The following RTEL1 variants were observed in gnomAD, a reference collection of about 807,000 sequenced individuals.
RTEL1 encodes the protein regulator of telomere elongation helicase 1.
A neutral mutation model predicts 162.2 loss-of-function variants in RTEL1; 86 were observed. The ratio of observed to expected loss-of-function variants is 0.53; its 90% CI spans 0.45 to 0.63. The LOEUF (loss-of-function observed/expected upper bound fraction) is 0.63. Ranked by LOEUF, RTEL1 falls within the 30% of genes least tolerant of loss-of-function variation. The pLI is 0.00. For synonymous variants in RTEL1, 958 were observed against 717.9 expected, an observed-to-expected ratio of 1.33 and a Z score of -5.35; for missense variants, 1,941 against 1,750.2, an observed-to-expected ratio of 1.11 and a Z score of -1.95.
Position 63,682,659 on chromosome 20 carries a change from G to T in RTEL1, c.1191+1940G>T. ...CGCGTTGGCTCCTGAGCCCCTGCAG[G>T]TGTGGGCGGTGCCCATAGGGCTGGT... On this transcript the variant is annotated intron_variant, in intron 14 of 34. Transcript: ENST00000360203. 3.0e-6 allele frequency: 3 copies of T among 985,820 alleles called. No homozygotes were observed. The South Asian group carries it at 1.4e-4, about 46-fold the overall frequency. 61.1% of individuals were successfully genotyped at this position (985,820 alleles called of 1,614,324 possible).
At chr20:63,667,686 A>C (rs2090163947) in intron 8 of RTEL1, 133 bp downstream of exon 8, 3 of 738,178 alleles carry the variant, frequency 4.1e-6, no homozygotes, top group Non-Finnish European at 7.2e-6. Flanking sequence ...CACCTCTGTC[A>C]CTGGGCAGGG....
chr20:63,681,017 CA>C (rs1221525140), intron 14 of RTEL1: 3 of 985,298 alleles, frequency 3.0e-6, no homozygotes, highest in African/African-American at 3.5e-5. Flanking sequence ...GCCCTCAGGC[CA>C]GGGGGGACCC....
At chr20:63,670,856 C>A (rs2146187583) in intron 8 of RTEL1, among the ~76,000 whole-genome samples, 2 of 151,846 alleles carry the variant, frequency 1.3e-5, no homozygotes, top group Middle Eastern at 3.4e-3. Flanking sequence ...CTTCAGTGTG[C>A]AGGTTTACCA....
At chr20:63,692,678 C>T (rs1440889249) in intron 28 of RTEL1, 127 bp from the exon 29 acceptor site, 22 of 913,600 alleles carry the variant, frequency 2.4e-5, no homozygotes, top group Non-Finnish European at 3.1e-5. Flanking sequence ...GCCAGTTTCT[C>T]AGGCAGCAGC....
chr20:63,689,046 T>A lies in RTEL1; in HGVS notation c.1801-9T>A. The A allele has an allele frequency of 6.2e-7, 1 of 1,609,938 alleles. No homozygotes were observed. On this transcript the variant is annotated splice_polypyrimidine_tract_variant and intron_variant, in intron 21 of 34. Coordinates refer to ENST00000360203, the MANE Select transcript of RTEL1 (RefSeq NM_001283009.2). The stretch of plus-strand genomic sequence containing the variant: ...GCTCCAGGCTCAGCCTCACCAACTT[T>A]CCTTCCAGACCATCAGTGCTTACTA...
In RTEL1 at chr20:63,690,111, C is replaced by G; in HGVS notation, c.2166C>G (p.Ala722=). The G allele has an allele frequency of 6.2e-7, 1 of 1,612,118 alleles. No homozygotes were observed. Among genetic ancestry groups the G allele is most frequent in the Non-Finnish European group, 8.5e-7 (1 of 1,179,808 alleles). ...DHRFAFADAR[A]QLPSWVRPHV... ...GGTTCGCCTTTGCCGACGCAAGAGC[C>G]CAACTGCCCTCCTGGGTGCGTCCCC... The change falls in exon 25 of 35, where the codon GCC becomes GCG. Residue 722 remains alanine (A), a synonymous_variant. Coordinates refer to ENST00000360203, the MANE Select transcript of RTEL1 (RefSeq NM_001283009.2).
rs772932272 is a variant in RTEL1, at chr20:63,695,291, C to T, written c.3500-37C>T. The T allele has an allele frequency of 5.0e-6, 8 of 1,586,802 alleles. No homozygotes were observed. The Admixed American group carries it at 5.2e-5, about 10-fold the overall frequency. ...GCAGCCCTGGGAGTGAGCAGCAAAG[C>T]CCCAGGCCCCCCTCAGACTCAAGTC... On this transcript the variant is annotated intron_variant, in intron 33 of 34. Coordinates refer to ENST00000360203, the MANE Select transcript of RTEL1 (RefSeq NM_001283009.2).
chr20:63,679,693 T>TC (rs1262377142), intron 12 of RTEL1, among the ~76,000 whole-genome samples, 156 bp from the exon 13 acceptor site: 14 of 151,792 alleles, frequency 9.2e-5, no homozygotes, highest in African/African-American at 3.4e-4. Context: ...CAGCCTGATT[T>TC]CCCCCTCCAG....
At chr20:63,681,491 G>T in intron 14 of RTEL1, 1 of 985,288 alleles carries the variant, frequency 1.0e-6, no homozygotes, top group Non-Finnish European at 1.2e-6. Context: ...TCATGGCAGG[G>T]TTAGGCAGGG....
chr20:63,666,317 C>T (rs2146170470), intron 7 of RTEL1, among the ~76,000 whole-genome samples: 1 of 152,382 alleles, frequency 6.6e-6, no homozygotes, highest in Non-Finnish European at 1.5e-5. Context: ...GGACGGAGCC[C>T]TGCAGGCCTG....
intron 8 of RTEL1, among the ~76,000 whole-genome samples, chr20:63,667,841 G>C (rs2090166277): frequency 1.3e-5 from 2 of 152,054 alleles, no homozygotes; most frequent in African/African-American, 4.8e-5. Flanking sequence ...GATCCTGACA[G>C]CTCAGGTTCT....
chr20:63,693,585 A>ACCT (rs1568721048), intron 30 of RTEL1, among the ~76,000 whole-genome samples: 3 of 20,212 alleles, frequency 1.5e-4, no homozygotes, highest in South Asian at 2.0e-3. Flanking sequence ...CTCCACCACC[A>ACCT]CCACCTCCAC....
intron 7 of RTEL1, among the ~76,000 whole-genome samples, chr20:63,667,064 C>T (rs763224165): frequency 3.8e-4 from 58 of 152,054 alleles, no homozygotes; most frequent in Admixed American, 8.5e-4. Flanking sequence ...TGGTCTCGAT[C>T]TTCTGACCTT....
chr20:63,660,210 C>G (rs2089990839), intron 2 of RTEL1, among the ~76,000 whole-genome samples: 1 of 152,258 alleles, frequency 6.6e-6, no homozygotes, highest in Non-Finnish European at 1.5e-5. Context: ...CTTCCTCTAT[C>G]TCGACTGCAA....
intron 8 of RTEL1, among the ~76,000 whole-genome samples, chr20:63,671,616 G>C (rs1032972688): frequency 2.0e-5 from 3 of 151,506 alleles, no homozygotes; most frequent in African/African-American, 7.3e-5. Flanking sequence ...CGAGTAGCTG[G>C]GACTACAGGC....
At chr20:63,694,260 C>G in intron 30 of RTEL1, 112 bp from the exon 31 acceptor site, 1 of 925,018 alleles carries the variant, frequency 1.1e-6, no homozygotes, top group Non-Finnish European at 1.8e-6. Flanking sequence ...GGTTTTCCCG[C>G]CCTGGTCTGA....
At chr20:63,667,824 C>T (rs536448448) in intron 8 of RTEL1, among the ~76,000 whole-genome samples, 4 of 152,202 alleles carry the variant, frequency 2.6e-5, no homozygotes, top group South Asian at 2.1e-4. Flanking sequence ...GGCCAGTGCC[C>T]GCTCTTGATC....
chr20:63,681,310 G>A, intron 14 of RTEL1: 1 of 985,364 alleles, frequency 1.0e-6, no homozygotes, highest in Non-Finnish European at 1.2e-6. Flanking sequence ...TTTGTGGAGG[G>A]CACGCCCCAT....
chr20:63,661,162 G>C lies in RTEL1; in HGVS notation c.103-136G>C, dbSNP rs2090012565. 6 of 761,466 alleles carry C rather than the reference G, an allele frequency of 7.9e-6. No homozygotes were observed. The highest frequency in any genetic ancestry group is 1.3e-5 in the Non-Finnish European group (6 of 473,846). 47.2% of individuals were successfully genotyped at this position (761,466 alleles called of 1,614,324 possible). On this transcript the variant is annotated intron_variant, in intron 2 of 34. Transcript: ENST00000360203. The surrounding 1 kb of genome is among the most constrained non-coding windows in gnomAD (Gnocchi z 5.1). Reference sequence around the variant, plus strand: ...CTGTGGACTTCTCCGCGGTCCCACAGGGCTCTCGCCACCTGGCAGTGGCCT... The same window carrying C: ...CTGTGGACTTCTCCGCGGTCCCACACGGCTCTCGCCACCTGGCAGTGGCCT...
Sources: allele counts gnomAD v4.1 joint callset (sites outside exome capture counted in the v4.1 genomes callset), GRCh38; gene constraint gnomAD v4.1.1; non-coding constraint Gnocchi (gnomAD v3.1); transcripts MANE v1.5; gene names NCBI Gene and HGNC (gene_info 2026-07-23, HGNC 2026-07-21).